EVC2: variants seen among roughly 807,000 people sequenced by gnomAD.
EVC2 encodes limbin.
Under a neutral mutation model 149.3 loss-of-function variants are expected in EVC2, and 148 were observed. The ratio of observed to expected loss-of-function variants is 0.99; its 90% CI spans 0.87 to 1.14. The LOEUF is 1.14. Ranked by LOEUF, EVC2 falls within the 50% of genes most tolerant of loss-of-function variation. The pLI is 0.00. For synonymous variants in EVC2, 776 were observed against 649.9 expected (o/e 1.19, Z -2.95); for missense variants, 1,854 against 1,627.3 (o/e 1.14, Z -2.40).
chr4:5,665,684 G>T, intron 7 of EVC2, 35 bp from the exon 8 acceptor site: 1 of 1,611,542 alleles, frequency 6.2e-7, no homozygotes, highest in South Asian at 1.1e-5. Flanking sequence ...ATTCATGTGT[G>T]GTCAGACAGC....
At chr4:5,690,399 G>A (rs934871240) in intron 4 of EVC2, among the ~76,000 whole-genome samples, 47 of 144,378 alleles carry the variant, frequency 3.3e-4, no homozygotes, top group African/African-American at 1.2e-3. Flanking sequence ...TACAGTGTGG[G>A]TTGTTGTTTT....
chr4:5,685,472 A>ATC lies in EVC2; in HGVS notation c.712_713dup (p.Asp238GlufsTer41). The ATC allele has an allele frequency of 1.2e-6, 2 of 1,614,154 alleles. No individual in the cohort carries two copies. The stretch of plus-strand genomic sequence containing the variant: ...TGGCTGCGTAGCTGACAGCAAAGGC[A>ATC]TCTCCCACTGCGCAGAGAAAAGCAC... On this transcript the variant is annotated frameshift_variant, in exon 6 of 22. Coordinates refer to ENST00000344408, the MANE Select transcript of EVC2 (RefSeq NM_147127.5). LOFTEE classifies it high-confidence loss of function.
chr4:5,697,558 A>G, intron 2 of EVC2, 35 bp downstream of exon 2: 1 of 1,612,252 alleles, frequency 6.2e-7, no homozygotes, highest in East Asian at 2.2e-5. Context: ...TTTCATGCTC[A>G]AAACAGGGGA....
chr4:5,619,544 G>C (rs1449542543), intron 14 of EVC2, among the ~76,000 whole-genome samples: 1 of 152,176 alleles, frequency 6.6e-6, no homozygotes, highest in Non-Finnish European at 1.5e-5. Context: ...CCAATGCCTT[G>C]ATCTTGGACT....
chr4:5,621,500 T>C (rs1715686154), intron 14 of EVC2, among the ~76,000 whole-genome samples: 1 of 152,212 alleles, frequency 6.6e-6, no homozygotes, highest in African/African-American at 2.4e-5. Flanking sequence ...CCATGTCTCA[T>C]TCTACATTGG....
chr4:5,622,517 C>G lies in EVC2; in HGVS notation c.2501+20G>C, dbSNP rs371570790. On this transcript the variant is annotated intron_variant, in intron 14 of 21. Transcript: ENST00000344408. The surrounding 1 kb of genome is among the most constrained non-coding windows in gnomAD (Gnocchi z 5.8). Reference sequence around the variant, plus strand: ...TCAACGGGATGGGGAGGGGTGATTACGACCCGCAAAGGCACTCACATGAAG... The same window carrying G: ...TCAACGGGATGGGGAGGGGTGATTAGGACCCGCAAAGGCACTCACATGAAG... 8.1e-6 allele frequency: 13 copies of G among 1,610,606 alleles called. No homozygotes were observed. Among genetic ancestry groups the G allele is most frequent in the East Asian group, 6.7e-5 (3 of 44,652 alleles).
chr4:5,542,135 T>C (rs2108755258), downstream of EVC2, among the ~76,000 whole-genome samples: 1 of 152,230 alleles, frequency 6.6e-6, no homozygotes, highest in South Asian at 2.1e-4. Context: ...CTCACCAGTA[T>C]CTGACCATGC....
intron 15 of EVC2, among the ~76,000 whole-genome samples, chr4:5,616,652 G>A (rs560473470): frequency 6.6e-6 from 1 of 152,254 alleles, no homozygotes; most frequent in South Asian, 2.1e-4. Flanking sequence ...CCCAGGCCTT[G>A]GTGCTTAGGA....
chr4:5,610,713 A>C (rs1217880048), intron 16 of EVC2, among the ~76,000 whole-genome samples: 1 of 150,338 alleles, frequency 6.7e-6, no homozygotes, highest in African/African-American at 2.5e-5. Flanking sequence ...TGCCGGGCTC[A>C]CCTGCCTGGT....
chr4:5,694,951 C>A (rs1304351818), intron 2 of EVC2, among the ~76,000 whole-genome samples: 2 of 152,152 alleles, frequency 1.3e-5, no homozygotes, highest in Non-Finnish European at 2.9e-5. Context: ...TCCTTCTGGG[C>A]ACCCGCCTAC....
chr4:5,685,603 G>T, intron 5 of EVC2, 124 bp from the exon 6 acceptor site: 1 of 738,952 alleles, frequency 1.4e-6, no homozygotes, highest in Non-Finnish European at 2.3e-6. Flanking sequence ...CACCATGGCA[G>T]TGATGCCTGC....
chr4:5,562,192 G>A (rs1301610868), downstream of EVC2, among the ~76,000 whole-genome samples: 1 of 152,212 alleles, frequency 6.6e-6, no homozygotes, highest in African/African-American at 2.4e-5. The surrounding 1 kb of genome is among the most constrained non-coding windows in gnomAD (Gnocchi z 4.3). Context: ...TGCCATTTAT[G>A]AGCTTTATGA....
intron 21 of EVC2, among the ~76,000 whole-genome samples, chr4:5,546,994 C>T (rs1457069651): frequency 6.6e-6 from 1 of 152,180 alleles, no homozygotes; most frequent in African/African-American, 2.4e-5. Context: ...AGGCAGGAGC[C>T]CCACCCCTGT....
Position 5,637,129 on chromosome 4 carries a change from C to T in EVC2, c.1470+3385G>A, listed in dbSNP as rs1422799686. On this transcript the variant is annotated intron_variant, in intron 10 of 21. Transcript: ENST00000344408. The surrounding 1 kb of genome is among the most constrained non-coding windows in gnomAD (Gnocchi z 4.4). ...GAAGCCCTGAGGAGGAGAGGGACTG[C>T]GTGACAGATGGGAGTAGGGCACCGA... is the stretch of plus-strand genomic sequence containing the variant. Among the ~76,000 whole-genome samples the T allele has an allele frequency of 6.6e-6, 1 of 152,128 alleles. No homozygotes were observed. Among genetic ancestry groups the T allele is most frequent in the Non-Finnish European group, 1.5e-5 (1 of 68,018 alleles).
chr4:5,549,864 T>C (rs913831443), intron 21 of EVC2, among the ~76,000 whole-genome samples: 5 of 152,180 alleles, frequency 3.3e-5, no homozygotes, highest in African/African-American at 1.2e-4. Context: ...AATTGAATCA[T>C]GGGGGCTGGT....
chr4:5,681,379 G>C (rs531637718), intron 6 of EVC2, 66 bp from the exon 7 acceptor site: 1 of 1,551,316 alleles, frequency 6.4e-7, no homozygotes, highest in South Asian at 1.1e-5. Flanking sequence ...GATAACATTT[G>C]GTGCGATTTC....
intron 7 of EVC2, among the ~76,000 whole-genome samples, chr4:5,676,524 G>A (rs1411362894): frequency 6.6e-6 from 1 of 152,166 alleles, no homozygotes; most frequent in Non-Finnish European, 1.5e-5. Context: ...GCCGCCATCA[G>A]CCCTGCTGGA....
At chr4:5,557,653 T>C (rs1721860787), downstream of EVC2, among the ~76,000 whole-genome samples, 3 of 152,172 alleles carry the variant, frequency 2.0e-5, no homozygotes, top group South Asian at 6.2e-4. Context: ...ATATAGAACA[T>C]CTCAGAACTG....
chr4:5,543,855 GCATAGCA>G (rs1488248461), intron 21 of EVC2, among the ~76,000 whole-genome samples: 1 of 152,198 alleles, frequency 6.6e-6, no homozygotes, highest in Non-Finnish European at 1.5e-5. Flanking sequence ...CACCACCCCT[GCATAGCA>G]CATTTCTTGT....
Sources: allele counts gnomAD v4.1 joint callset (sites outside exome capture counted in the v4.1 genomes callset), GRCh38; gene constraint gnomAD v4.1.1; non-coding constraint Gnocchi (gnomAD v3.1); transcripts MANE v1.5; gene names NCBI Gene and HGNC (gene_info 2026-07-23, HGNC 2026-07-21).